CA1: variants seen among roughly 807,000 people sequenced by gnomAD.
The protein encoded by CA1 is carbonate dehydratase I.
In CA1, 27 loss-of-function variants were observed where a neutral mutation model predicts 28.8. The observed-to-expected ratio is 0.94, with a 90% CI of 0.69 to 1.29. CA1 has a LOEUF of 1.29. Among genes scored for constraint, CA1 ranks in the 50% most tolerant of loss-of-function variants. CA1 has a pLI of 0.00. For synonymous variants in CA1, 121 were observed against 108.8 expected, an observed-to-expected ratio of 1.11 and a Z score of -0.70; for missense variants, 335 against 310.5, an observed-to-expected ratio of 1.08 and a Z score of -0.59.
At chr8:85,345,023 A>C (rs1809123049) in intron 1 of CA1, among the ~76,000 whole-genome samples, 1 of 152,194 alleles carries the variant, frequency 6.6e-6, no homozygotes, top group African/African-American at 2.4e-5. Flanking sequence ...GAAGTGGGTC[A>C]TGGAAAATGG....
At chr8:85,330,807 C>G (rs1293604462) in intron 6 of CA1, among the ~76,000 whole-genome samples, 1 of 151,984 alleles carries the variant, frequency 6.6e-6, no homozygotes, top group Non-Finnish European at 1.5e-5. Flanking sequence ...GGGATAAACT[C>G]TACTAGTTCA....
chr8:85,361,857 C>T (rs1809808188), intron 1 of CA1, among the ~76,000 whole-genome samples: 1 of 152,108 alleles, frequency 6.6e-6, no homozygotes, highest in Non-Finnish European at 1.5e-5. Context: ...CTGAAGGTAC[C>T]CATTGATCAT....
chr8:85,373,082 G>A (rs553011321), intron 1 of CA1, among the ~76,000 whole-genome samples: 56 of 152,212 alleles, frequency 3.7e-4, no homozygotes, highest in African/African-American at 7.2e-4. Context: ...TAAGATCTAC[G>A]GTAAGAACAA....
chr8:85,332,625 T>C, intron 5 of CA1, 73 bp from the exon 6 acceptor site: 1 of 1,143,928 alleles, frequency 8.7e-7, no homozygotes, highest in Non-Finnish European at 1.3e-6. Flanking sequence ...AAATTTTGAA[T>C]TTTTTTTCAA....
chr8:85,342,518 T>C (rs1808971318), intron 1 of CA1, among the ~76,000 whole-genome samples: 1 of 152,210 alleles, frequency 6.6e-6, no homozygotes, highest in Non-Finnish European at 1.5e-5. Flanking sequence ...CCTTCTTCAC[T>C]GTACCTCCAC....
intron 1 of CA1, among the ~76,000 whole-genome samples, chr8:85,374,523 A>G (rs1057293239): frequency 3.9e-5 from 6 of 152,116 alleles, no homozygotes; most frequent in East Asian, 3.9e-4. Flanking sequence ...ATTTTGTAAC[A>G]TATGATGTGG....
Position 85,329,786 on chromosome 8 carries a change from T to C in CA1, c.572A>G (p.Asp191Gly). ...CAGAGAGCCAGGGTAGGTCCAGAAA[T>C]CCAGGGATGAAGGAAGGAGAGTAGA... is the stretch of plus-strand genomic sequence containing the variant. ...DPSTLLPSSLDFWTYPGSLTH... is the reference protein window; with the variant it reads ...DPSTLLPSSLGFWTYPGSLTH... Residue 191 changes from aspartate (D) to glycine (G), a missense_variant, in exon 7 of 8, where the codon GAT becomes GGT. Asp to Gly is a moderately conservative substitution (Grantham distance 94). Coordinates refer to ENST00000523022, the MANE Select transcript of CA1 (RefSeq NM_001128831.4). 4 of 1,604,458 alleles carry C rather than the reference T, an allele frequency of 2.5e-6. No individual in the cohort carries two copies. Among genetic ancestry groups the C allele is most frequent in the South Asian group, 1.1e-5 (1 of 89,486 alleles).
chr8:85,339,881 C>A (rs1481998684), intron 2 of CA1, among the ~76,000 whole-genome samples: 1 of 152,174 alleles, frequency 6.6e-6, no homozygotes, highest in African/African-American at 2.4e-5. Context: ...CTTTTTAATT[C>A]TGTGAAGCCT....
At chr8:85,330,866 T>C (rs546361666) in intron 6 of CA1, among the ~76,000 whole-genome samples, 207 of 152,300 alleles carry the variant, frequency 1.4e-3, no homozygotes, top group Non-Finnish European at 2.5e-3. Context: ...TATAATAAAT[T>C]TTAGGATTTC....
At chr8:85,359,159 A>G (rs1235822744) in intron 1 of CA1, among the ~76,000 whole-genome samples, 2 of 152,222 alleles carry the variant, frequency 1.3e-5, no homozygotes, top group Non-Finnish European at 2.9e-5. Flanking sequence ...GGGAAGACTT[A>G]TTACTGTACC....
At chr8:85,346,512 A>G (rs532602009) in intron 1 of CA1, among the ~76,000 whole-genome samples, 29 of 152,304 alleles carry the variant, frequency 1.9e-4, no homozygotes, top group African/African-American at 6.5e-4. Context: ...CTGTAATCCC[A>G]GCACCTTGGG....
At chr8:85,354,373 G>T (rs1809527328) in intron 1 of CA1, among the ~76,000 whole-genome samples, 1 of 151,896 alleles carries the variant, frequency 6.6e-6, no homozygotes, top group African/African-American at 2.4e-5. Context: ...AAGTTGAATG[G>T]AAGGAAATTA....
chr8:85,346,654 C>A (rs865906234), intron 1 of CA1, among the ~76,000 whole-genome samples: 2 of 151,980 alleles, frequency 1.3e-5, no homozygotes, highest in Non-Finnish European at 2.9e-5. Context: ...CCTAGCTACT[C>A]GGGAGGCTGA....
At chr8:85,335,213 G>T (rs1808598535) in intron 4 of CA1, among the ~76,000 whole-genome samples, 1 of 151,976 alleles carries the variant, frequency 6.6e-6, no homozygotes, top group Non-Finnish European at 1.5e-5. Flanking sequence ...TAGTCATACT[G>T]CCATTTGCTA....
In CA1 at chr8:85,333,626, A is replaced by G; in HGVS notation, c.355-6T>C. The G allele has an allele frequency of 1.3e-6, 2 of 1,566,638 alleles. No individual in the cohort carries two copies. ...TTCCAGTGAGCTACGTGAAGCTAAA[A>G]ATGATACTATGGTTAATTAATTATT... is the stretch of plus-strand genomic sequence containing the variant. On this transcript the variant is annotated splice_region_variant and splice_polypyrimidine_tract_variant and intron_variant, in intron 4 of 7. Coordinates refer to ENST00000523022, the MANE Select transcript of CA1 (RefSeq NM_001128831.4).
At chr8:85,366,433 C>T (rs1419926344) in intron 1 of CA1, among the ~76,000 whole-genome samples, 1 of 152,108 alleles carries the variant, frequency 6.6e-6, no homozygotes, top group Non-Finnish European at 1.5e-5. Flanking sequence ...AAAAGATCAT[C>T]TATGTGACCA....
chr8:85,342,692 T>A (rs1167214002), intron 1 of CA1: 1 of 152,240 alleles, frequency 6.6e-6, no homozygotes, highest in African/African-American at 2.4e-5. Flanking sequence ...TGGCCAGTTC[T>A]ACATGTTCAA....
intron 1 of CA1, among the ~76,000 whole-genome samples, chr8:85,345,942 A>T (rs1809166356): frequency 6.6e-6 from 1 of 152,206 alleles, no homozygotes; most frequent in Admixed American, 6.5e-5. Flanking sequence ...ATAAATTTCA[A>T]AAATCCATCA....
At chr8:85,365,900 C>CA (rs1809986671) in intron 1 of CA1, among the ~76,000 whole-genome samples, 1 of 152,168 alleles carries the variant, frequency 6.6e-6, no homozygotes, top group African/African-American at 2.4e-5. Context: ...AGGCAGAGGG[C>CA]AGTGGCTCCT....
Sources: allele counts gnomAD v4.1 joint callset (sites outside exome capture counted in the v4.1 genomes callset), GRCh38; gene constraint gnomAD v4.1.1; transcripts MANE v1.5; gene names NCBI Gene and HGNC (gene_info 2026-07-23, HGNC 2026-07-21).